Variants in DENND1A observed in about 807,000 individuals in gnomAD.
DENND1A encodes DENN domain-containing protein 1A.
Under a neutral mutation model 113.7 loss-of-function variants are expected in DENND1A, and 51 were observed. The observed-to-expected ratio is 0.45, with a 90% CI of 0.36 to 0.57. DENND1A has a LOEUF of 0.57. Among genes scored for constraint, DENND1A ranks in the 20% least tolerant of loss-of-function variants. The pLI, the probability that DENND1A is intolerant of heterozygous loss-of-function variation, is 0.00. For synonymous variants in DENND1A, 565 were observed against 570.8 expected (o/e 0.99, Z 0.14); for missense variants, 1,258 against 1,395.9 (o/e 0.90, Z 1.57).
intron 1 of DENND1A, among the ~76,000 whole-genome samples, chr9:123,926,567 C>CAAAAAAAA (rs746978969): frequency 2.4e-5 from 1 of 41,062 alleles, no homozygotes; most frequent in African/African-American, 7.8e-5. Context: ...AACTCCATCT[C>CAAAAAAAA]AAAAAAAAAA....
chr9:123,424,894 T>C (rs1396964392), intron 19 of DENND1A, among the ~76,000 whole-genome samples: 3 of 152,200 alleles, frequency 2.0e-5, no homozygotes, highest in Admixed American at 6.5e-5. Flanking sequence ...ACCTAACCCC[T>C]TTTTACTCTC....
intron 9 of DENND1A, among the ~76,000 whole-genome samples, chr9:123,642,659 C>T (rs992495893): frequency 2.6e-5 from 4 of 152,314 alleles, no homozygotes; most frequent in Non-Finnish European, 1.5e-5. Context: ...CTTGGCTTCC[C>T]TTGAGCACAG....
chr9:123,553,463 G>C (rs550350497), intron 13 of DENND1A, among the ~76,000 whole-genome samples: 7 of 151,418 alleles, frequency 4.6e-5, no homozygotes, highest in Admixed American at 2.0e-4. Context: ...GAACCACAAG[G>C]GTCACCTGAT....
chr9:123,523,977 T>C (rs897067210), intron 13 of DENND1A, among the ~76,000 whole-genome samples: 1 of 152,218 alleles, frequency 6.6e-6, no homozygotes, highest in Non-Finnish European at 1.5e-5. Flanking sequence ...CAGGCCCTTT[T>C]GTGCCTGCTG....
intron 5 of DENND1A, among the ~76,000 whole-genome samples, chr9:123,703,732 C>A (rs1359610556): frequency 6.6e-6 from 1 of 151,970 alleles, no homozygotes; most frequent in Non-Finnish European, 1.5e-5. Flanking sequence ...TACTCCTTTC[C>A]ATTTAAATAA....
At chr9:123,878,880 T>A (rs1847907026) in intron 2 of DENND1A, 71 bp downstream of exon 2, 1 of 1,474,416 alleles carries the variant, frequency 6.8e-7, no homozygotes, top group Non-Finnish European at 9.4e-7. Flanking sequence ...CATATTCACA[T>A]ATTATCTCAC....
intron 2 of DENND1A, among the ~76,000 whole-genome samples, chr9:123,806,709 T>G (rs898500984): frequency 2.6e-5 from 4 of 152,196 alleles, no homozygotes; most frequent in Non-Finnish European, 4.4e-5. Context: ...CCCTCCTAAA[T>G]TATACACTTT....
chr9:123,627,739 CAA>C (rs764341977), intron 10 of DENND1A, among the ~76,000 whole-genome samples: 26 of 57,790 alleles, frequency 4.5e-4, no homozygotes, highest in African/African-American at 6.4e-4. Flanking sequence ...AACTCTGTCT[CAA>C]AAAAAAAAAA....
intron 13 of DENND1A, among the ~76,000 whole-genome samples, chr9:123,473,460 G>A (rs1410004107): frequency 2.6e-5 from 4 of 152,090 alleles, no homozygotes; most frequent in African/African-American, 7.2e-5. Flanking sequence ...GCCTGGAGCC[G>A]AGACTCAGGG....
chr9:123,753,731 C>T (rs2070273524), intron 5 of DENND1A, among the ~76,000 whole-genome samples: 1 of 152,096 alleles, frequency 6.6e-6, no homozygotes, highest in African/African-American at 2.4e-5. Context: ...TAAGATCCAG[C>T]CTTTACCCCT....
chr9:123,798,355 A>C (rs1171449003), intron 2 of DENND1A: 1 of 152,202 alleles, frequency 6.6e-6, no homozygotes, highest in Non-Finnish European at 1.5e-5. Flanking sequence ...CGATGTGACT[A>C]TTTATGCATA....
intron 5 of DENND1A, among the ~76,000 whole-genome samples, chr9:123,684,909 C>CA (rs1455976061): frequency 6.6e-6 from 1 of 152,148 alleles, no homozygotes. Context: ...AGCACTGGGT[C>CA]AGTGCTTTGA....
intron 13 of DENND1A, among the ~76,000 whole-genome samples, chr9:123,466,013 T>G (rs7872150): frequency 0.082 from 12,499 of 152,232 alleles, 569 homozygotes; most frequent in Middle Eastern, 0.14. Flanking sequence ...TTTTTTAATT[T>G]TTTTAGAGAT....
intron 12 of DENND1A, among the ~76,000 whole-genome samples, chr9:123,579,661 G>A (rs2058794247): frequency 1.3e-5 from 2 of 152,156 alleles, no homozygotes; most frequent in South Asian, 4.1e-4. Context: ...ATCTGTCAGA[G>A]TAAACACACA....
At chr9:123,658,599 A>G (rs1403600954) in intron 8 of DENND1A, among the ~76,000 whole-genome samples, 1 of 152,222 alleles carries the variant, frequency 6.6e-6, no homozygotes, top group African/African-American at 2.4e-5. Context: ...AAAAGAATTA[A>G]TTTTTTAAGT....
At chr9:123,700,191 T>G (rs2065801034) in intron 5 of DENND1A, among the ~76,000 whole-genome samples, 1 of 152,182 alleles carries the variant, frequency 6.6e-6, no homozygotes, top group Non-Finnish European at 1.5e-5. Context: ...TCCTCCAACT[T>G]TATTCTTCTT....
chr9:123,836,472 G>T (rs146132087), intron 2 of DENND1A, among the ~76,000 whole-genome samples: 294 of 151,718 alleles, frequency 1.9e-3, no homozygotes, highest in African/African-American at 7.0e-3. Flanking sequence ...AATTATAGAG[G>T]GGAAAAATAC....
At chr9:123,483,551 G>A (rs146451821) in intron 13 of DENND1A, among the ~76,000 whole-genome samples, 1,574 of 152,372 alleles carry the variant, frequency 0.01, 31 homozygotes, top group Non-Finnish European at 0.011. Flanking sequence ...GCTCTGGGCT[G>A]ACCAGACGCA....
intron 9 of DENND1A, among the ~76,000 whole-genome samples, chr9:123,645,436 T>C (rs535724832): frequency 1.3e-5 from 2 of 152,122 alleles, no homozygotes; most frequent in African/African-American, 2.4e-5. Flanking sequence ...CCAGCCCCCA[T>C]CTAAAAGATA....
Sources: allele counts gnomAD v4.1 joint callset (sites outside exome capture counted in the v4.1 genomes callset), GRCh38; gene constraint gnomAD v4.1.1; transcripts MANE v1.5; gene names NCBI Gene and HGNC (gene_info 2026-07-23, HGNC 2026-07-21).